The following MEF2C variants were observed in gnomAD, a reference collection of about 807,000 sequenced individuals.
MEF2C encodes myocyte enhancer factor 2C.
MEF2C carries 6 observed loss-of-function variants against 50.5 expected under a neutral mutation model. That is an observed-to-expected ratio of 0.12 (90% CI 0.07 to 0.23). The LOEUF (loss-of-function observed/expected upper bound fraction) is 0.23. Ranked by LOEUF, MEF2C falls within the 10% of genes least tolerant of loss-of-function variation. MEF2C has a pLI of 1.00. For missense variants in MEF2C, 276 were observed against 605.0 expected (o/e 0.46, Z 5.70); for synonymous variants, 183 against 228.0 (o/e 0.80, Z 1.78).
upstream of MEF2C, among the ~76,000 whole-genome samples, chr5:88,885,591 C>T (rs752533305): frequency 3.0e-4 from 46 of 152,130 alleles, no homozygotes; most frequent in Admixed American, 1.0e-3. Flanking sequence ...ATCAGGTTTC[C>T]ATTCAAAGTA....
At chr5:88,831,261 G>A (rs923003875) in intron 1 of MEF2C, among the ~76,000 whole-genome samples, 6 of 151,978 alleles carry the variant, frequency 3.9e-5, no homozygotes, top group South Asian at 2.1e-4. Flanking sequence ...TTAGTCTGTC[G>A]AAATGTGTAA....
intron 6 of MEF2C, chr5:88,733,346 C>G: frequency 1.0e-6 from 1 of 985,206 alleles, no homozygotes; most frequent in Non-Finnish European, 1.2e-6. Flanking sequence ...TGGAGGGATG[C>G]AGGGGTTGGG....
chr5:88,866,156 A>G (rs1216750213), intron 1 of MEF2C, among the ~76,000 whole-genome samples: 2 of 152,200 alleles, frequency 1.3e-5, no homozygotes, highest in Non-Finnish European at 2.9e-5. Flanking sequence ...TTGGCCTCCC[A>G]AAGTGCTGGG....
chr5:88,749,651 G>A (rs1383229141), intron 5 of MEF2C, among the ~76,000 whole-genome samples: 8 of 152,162 alleles, frequency 5.3e-5, no homozygotes, highest in Non-Finnish European at 7.3e-5. Context: ...CTTATTCATT[G>A]CTAACTTTAG....
upstream of MEF2C, among the ~76,000 whole-genome samples, chr5:88,884,961 A>G (rs1365869013): frequency 6.6e-6 from 1 of 152,238 alleles, no homozygotes; most frequent in Non-Finnish European, 1.5e-5. Context: ...GTAGAATTAT[A>G]GATTACATAA....
intron 1 of MEF2C, among the ~76,000 whole-genome samples, chr5:88,833,777 C>A (rs1258392463): frequency 6.6e-6 from 1 of 152,134 alleles, no homozygotes; most frequent in Admixed American, 6.6e-5. Flanking sequence ...ATGGCTACTA[C>A]GATTTTTTTT....
chr5:88,864,905 T>C lies in MEF2C; in HGVS notation c.-143+18050A>G, dbSNP rs116702178. On this transcript the variant is annotated intron_variant, in intron 1 of 10. Transcript: ENST00000504921. ...GCCTCAGCCTCCTGAGTAGTTGGGA[T>C]TACAGGTGCCCAGCAGCACACACAG... 4.9e-3 allele frequency among the ~76,000 whole-genome samples: 741 copies of C among 152,126 alleles called. 3 individuals carry two copies. Among genetic ancestry groups the C allele is most frequent in the African/African-American group, 0.017 (710 of 41,500 alleles).
upstream of MEF2C, chr5:88,887,389 C>A (rs1241796602): frequency 6.6e-6 from 1 of 152,134 alleles, no homozygotes; most frequent in Non-Finnish European, 1.5e-5. Context: ...TCATTTAACT[C>A]TTTATTATTG....
intron 1 of MEF2C, among the ~76,000 whole-genome samples, chr5:88,861,754 T>C (rs1279152825): frequency 1.3e-5 from 2 of 152,242 alleles, no homozygotes; most frequent in Admixed American, 6.5e-5. Flanking sequence ...TTTAAAAATA[T>C]AAATTTCACC....
chr5:88,735,255 C>T, intron 6 of MEF2C: 1 of 985,382 alleles, frequency 1.0e-6, no homozygotes, highest in Non-Finnish European at 1.2e-6. Flanking sequence ...AAGATAAATT[C>T]ACCAAAGAGA....
chr5:88,728,453 T>C, intron 10 of MEF2C, 40 bp downstream of exon 10: 1 of 1,323,854 alleles, frequency 7.6e-7, no homozygotes, highest in Non-Finnish European at 9.8e-7. Context: ...TTTTTCAAAA[T>C]ACATTCTAAA....
chr5:88,731,769 A>C lies in MEF2C; in HGVS notation c.770T>G (p.Val257Gly). 1 of 1,613,320 alleles carries C rather than the reference A, an allele frequency of 6.2e-7. No homozygotes were observed. Among genetic ancestry groups the C allele is most frequent in the Non-Finnish European group, 8.5e-7 (1 of 1,179,464 alleles). The change falls in exon 7 of 11, where the codon GTT (valine) becomes GGT (glycine). Residue 257 changes from valine to glycine, a missense_variant. By Grantham distance (109) the Val-to-Gly change is moderately radical (BLOSUM62 -3). Around this residue, in one of 2 missense-constraint regions of MEF2C, gnomAD observed 256 missense variants for 468.1 expected, o/e 0.55. Coordinates refer to ENST00000504921, the MANE Select transcript of MEF2C (RefSeq NM_002397.5). ...ATTCTTGCTGCCTGGTGGAATAAGA[A>C]CTCGGAGATCTGGTTTACGGTTATT... ...GMNNRKPDLR[V>G]LIPPGSKNTM...
Position 88,718,663 on chromosome 5 carries a change from G to A in MEF2C, c.*3941C>T, listed in dbSNP as rs551126013. 2.0e-5 allele frequency: 3 copies of A among 152,218 alleles called. No homozygotes were observed. The highest frequency in any genetic ancestry group is 4.1e-4 in the South Asian group (2 of 4,820). The allele number at this position is 152,218 out of a possible 1,614,324, so 9.4% of individuals were successfully genotyped here. A position where few individuals can be genotyped will look rare whatever the true frequency, so the allele number is the denominator to read the frequency against. Reference sequence around the variant, plus strand: ...CTGCATTCAAACCACAACAGAATCCGTCACTTAACTGACCTCTCTGAATTA... The same window carrying A: ...CTGCATTCAAACCACAACAGAATCCATCACTTAACTGACCTCTCTGAATTA... On this transcript the variant is annotated 3_prime_UTR_variant, in exon 11 of 11. Coordinates refer to ENST00000504921, the MANE Select transcript of MEF2C (RefSeq NM_002397.5).
chr5:88,735,861 T>C (rs1763849587), intron 6 of MEF2C: 2 of 985,420 alleles, frequency 2.0e-6, no homozygotes, highest in Non-Finnish European at 2.4e-6. Flanking sequence ...GTAGCTCTCT[T>C]TGAGCTCAAA....
intron 6 of MEF2C, chr5:88,732,646 T>G (rs1185369667): frequency 6.6e-6 from 1 of 152,224 alleles, no homozygotes; most frequent in Non-Finnish European, 1.5e-5. Flanking sequence ...GTCTCTGATG[T>G]TCAGTATCCT....
At chr5:88,839,783 T>C (rs1224069080) in intron 1 of MEF2C, among the ~76,000 whole-genome samples, 1 of 152,128 alleles carries the variant, frequency 6.6e-6, no homozygotes, top group African/African-American at 2.4e-5. Flanking sequence ...TCGTATGAAA[T>C]AGAAAAACAA....
intron 1 of MEF2C, among the ~76,000 whole-genome samples, chr5:88,846,688 T>A (rs575653656): frequency 6.6e-6 from 1 of 152,312 alleles, no homozygotes; most frequent in South Asian, 2.1e-4. Flanking sequence ...GTCAGTCACA[T>A]GAGTTGGAGC....
intron 3 of MEF2C, 63 bp from the exon 4 acceptor site, chr5:88,761,391 T>A: frequency 1.3e-6 from 2 of 1,541,236 alleles, no homozygotes; most frequent in Middle Eastern, 1.7e-4. Context: ...TTCAGGGGCA[T>A]TAAAGAAGTT....
At chr5:88,759,315 T>G (rs927439652) in intron 4 of MEF2C, among the ~76,000 whole-genome samples, 1 of 152,154 alleles carries the variant, frequency 6.6e-6, no homozygotes, top group Non-Finnish European at 1.5e-5. Flanking sequence ...AAATTCCATC[T>G]CTACTAAAAA....
Sources: gnomAD v4.1 joint callset for allele counts (sites outside exome capture counted in the v4.1 genomes callset) on GRCh38, gnomAD v4.1.1 for gene constraint, gnomAD v4.1.1 regional missense constraint, MANE v1.5 for transcripts, NCBI Gene and HGNC (gene_info 2026-07-23, HGNC 2026-07-21) for gene names.